Variants in NRXN1 observed in about 807,000 individuals in gnomAD.
NRXN1 encodes the protein neurexin-1.
Under a neutral mutation model 150.9 loss-of-function variants are expected in NRXN1, and 39 were observed. The observed-to-expected ratio is 0.26, with a 90% CI of 0.20 to 0.34. NRXN1 has a LOEUF of 0.34. Among genes scored for constraint, NRXN1 ranks in the 10% least tolerant of loss-of-function variants. The pLI is 1.00. For synonymous variants in NRXN1, 924 were observed against 757.0 expected (o/e 1.22, Z -3.62); for missense variants, 1,815 against 1,949.9 (o/e 0.93, Z 1.30).
chr2:50,157,217 TA>T (rs1358213011), intron 18 of NRXN1, among the ~76,000 whole-genome samples: 4 of 151,932 alleles, frequency 2.6e-5, no homozygotes, highest in Non-Finnish European at 2.9e-5. Context: ...ACAGTGGAGG[TA>T]AGATATGCAT....
At chr2:50,042,686 A>G (rs1691183121) in intron 21 of NRXN1, among the ~76,000 whole-genome samples, 1 of 5,582 alleles carries the variant, frequency 1.8e-4, no homozygotes, top group Admixed American at 2.6e-3. Flanking sequence ...GGTGCTGAGC[A>G]TACACACATT....
intron 17 of NRXN1, among the ~76,000 whole-genome samples, chr2:50,419,368 G>A (rs939398): frequency 0.015 from 2,254 of 152,114 alleles, 49 homozygotes; most frequent in African/African-American, 0.051. Context: ...AAGTTTCACA[G>A]CGAATAATTC....
chr2:50,582,167 T>C (rs992686030), intron 8 of NRXN1, among the ~76,000 whole-genome samples: 36 of 152,260 alleles, frequency 2.4e-4, no homozygotes, highest in African/African-American at 7.5e-4. Flanking sequence ...TCGCTATAAA[T>C]TGCAGCTTTG....
At chr2:50,213,453 T>G (rs2152846670) in intron 18 of NRXN1, among the ~76,000 whole-genome samples, 1 of 152,022 alleles carries the variant, frequency 6.6e-6, no homozygotes, top group Non-Finnish European at 1.5e-5. Context: ...GTATGTGAAC[T>G]TCAGCTTGTG....
intron 5 of NRXN1, among the ~76,000 whole-genome samples, chr2:50,698,865 T>C (rs1336814295): frequency 2.6e-5 from 4 of 152,220 alleles, no homozygotes; most frequent in Non-Finnish European, 5.9e-5. Flanking sequence ...TTCTCATTTC[T>C]CCATGTTTGA....
chr2:50,692,512 T>A (rs1692219835), intron 5 of NRXN1, among the ~76,000 whole-genome samples: 1 of 152,128 alleles, frequency 6.6e-6, no homozygotes, highest in South Asian at 2.1e-4. Context: ...TTCCCAGACA[T>A]GTTTAAAATT....
intron 2 of NRXN1, among the ~76,000 whole-genome samples, chr2:50,927,539 G>A (rs1687086737): frequency 6.6e-6 from 1 of 151,950 alleles, no homozygotes; most frequent in Non-Finnish European, 1.5e-5. Context: ...TTACTTTTCA[G>A]TGGTGACTTT....
intron 9 of NRXN1, among the ~76,000 whole-genome samples, chr2:50,551,727 C>T (rs951687192): frequency 1.3e-5 from 2 of 152,110 alleles, no homozygotes; most frequent in Non-Finnish European, 2.9e-5. Context: ...TAGTTGTATA[C>T]TTAAAACAGA....
intron 5 of NRXN1, among the ~76,000 whole-genome samples, chr2:50,844,097 G>A (rs1257313266): frequency 1.3e-5 from 2 of 152,136 alleles, no homozygotes; most frequent in African/African-American, 2.4e-5. Flanking sequence ...CTGGAGGCAC[G>A]AAGAACAGCG....
intron 2 of NRXN1, among the ~76,000 whole-genome samples, chr2:50,953,736 A>G (rs1691804324): frequency 6.6e-6 from 1 of 151,642 alleles, no homozygotes; most frequent in South Asian, 2.1e-4. Flanking sequence ...TAATTTTTGT[A>G]TTTTAGTAGA....
intron 17 of NRXN1, among the ~76,000 whole-genome samples, chr2:50,461,676 C>T (rs187423410): frequency 3.9e-5 from 6 of 151,996 alleles, no homozygotes; most frequent in African/African-American, 1.4e-4. Flanking sequence ...ATGGTTACAT[C>T]CAAGAGAAAT....
chr2:50,382,401 C>A (rs1330874396), intron 17 of NRXN1, among the ~76,000 whole-genome samples: 3 of 152,086 alleles, frequency 2.0e-5, no homozygotes, highest in East Asian at 1.9e-4. Flanking sequence ...GATAATCTGT[C>A]AAGACTTTTA....
intron 21 of NRXN1, among the ~76,000 whole-genome samples, chr2:49,993,104 C>G (rs1163325488): frequency 3.3e-5 from 5 of 152,164 alleles, no homozygotes; most frequent in Non-Finnish European, 7.3e-5. Context: ...CAAAAACCTG[C>G]AAAGAGATGC....
At chr2:50,244,289 C>T (rs563474982) in intron 17 of NRXN1, among the ~76,000 whole-genome samples, 12 of 151,610 alleles carry the variant, frequency 7.9e-5, no homozygotes, top group Admixed American at 4.0e-4. Flanking sequence ...TTGTCAATAT[C>T]CTAGACATTC....
intron 17 of NRXN1, among the ~76,000 whole-genome samples, chr2:50,270,339 T>C (rs911588276): frequency 2.6e-5 from 4 of 152,184 alleles, no homozygotes; most frequent in Non-Finnish European, 5.9e-5. Context: ...TTAATAATTA[T>C]AGATCCACTA....
In NRXN1 at chr2:50,110,339, A is replaced by T. The variant is rs562384350; in HGVS notation, c.3547-18845T>A. Among the ~76,000 whole-genome samples, 68 of 152,124 alleles carry T rather than the reference A, an allele frequency of 4.5e-4. 1 individual carries two copies. Among genetic ancestry groups the T allele is most frequent in the African/African-American group, 1.4e-3 (57 of 41,478 alleles). ...CCGCGTCTCTACTAAAAATACAAAA[A>T]AAAATAGCCGGGTGTCGTGGCAGGT... On this transcript the variant is annotated intron_variant, in intron 18 of 22. Coordinates refer to ENST00000401669, the MANE Select transcript of NRXN1 (RefSeq NM_001330078.2).
intron 5 of NRXN1, among the ~76,000 whole-genome samples, 185 bp from the exon 6 acceptor site, chr2:50,623,800 T>C (rs1260650207): frequency 6.6e-6 from 1 of 152,108 alleles, no homozygotes. Context: ...TTTATTATTA[T>C]TATACTTTAA....
chr2:50,497,573 A>G lies in NRXN1; in HGVS notation c.2639T>C (p.Ile880Thr), dbSNP rs535973222. The change falls in exon 14 of 23, where the codon ATT (isoleucine) becomes ACT (threonine). Residue 880 changes from isoleucine (I) to threonine (T), a missense_variant. Around this residue, in one of 6 missense-constraint regions of NRXN1, gnomAD observed 638 missense variants for 652.6 expected, o/e 0.98. Coordinates refer to ENST00000401669, the MANE Select transcript of NRXN1 (RefSeq NM_001330078.2). Reference protein sequence around the residue: ...QSLTFNGMAYIDLCKNGDIDY... With the variant: ...QSLTFNGMAYTDLCKNGDIDY... ...TATGTCGCCATTTTTACACAGGTCA[A>G]TGTATGCCATTCCATTAAATGTCAA... 2.5e-6 allele frequency: 4 copies of G among 1,613,836 alleles called. No homozygotes were observed. Among genetic ancestry groups the G allele is most frequent in the Non-Finnish European group, 3.4e-6 (4 of 1,179,870 alleles).
chr2:50,565,612 A>G (rs1669725807), intron 8 of NRXN1, among the ~76,000 whole-genome samples: 1 of 152,190 alleles, frequency 6.6e-6, no homozygotes, highest in Non-Finnish European at 1.5e-5. Context: ...AATTTTACTC[A>G]GTAGTACAAT....
Sources: allele counts gnomAD v4.1 joint callset (sites outside exome capture counted in the v4.1 genomes callset), GRCh38; gene constraint gnomAD v4.1.1; regional missense constraint gnomAD v4.1.1; transcripts MANE v1.5; gene names NCBI Gene and HGNC (gene_info 2026-07-23, HGNC 2026-07-21).